ADCK1: variants seen among roughly 807,000 people sequenced by gnomAD.
ADCK1 encodes aarF domain containing kinase 1.
In ADCK1, 41 loss-of-function variants were observed where a neutral mutation model predicts 52.3. The observed-to-expected ratio is 0.78, with a 90% CI of 0.61 to 1.02. ADCK1 has a LOEUF of 1.02. ADCK1 is among the 50% of genes least tolerant of loss of function. The probability of loss-of-function intolerance (pLI) is 0.00; values close to 1 mark genes in which losing one functional copy is unlikely to be tolerated. For synonymous variants in ADCK1, 250 were observed against 274.6 expected, an observed-to-expected ratio of 0.91 and a Z score of 0.89; for missense variants, 658 against 679.5, an observed-to-expected ratio of 0.97 and a Z score of 0.35.
chr14:77,815,729 G>A (rs906429027), intron 1 of ADCK1, among the ~76,000 whole-genome samples: 3 of 151,730 alleles, frequency 2.0e-5, no homozygotes, highest in Admixed American at 1.3e-4. Context: ...ATATTGGCCA[G>A]GCTGGTCTTG....
intron 4 of ADCK1, among the ~76,000 whole-genome samples, chr14:77,873,489 G>A (rs11159305): frequency 0.38 from 57,733 of 152,040 alleles, 11,755 homozygotes; most frequent in Admixed American, 0.51. Flanking sequence ...GCATGTAACC[G>A]GGCAGTGTAG....
intron 5 of ADCK1, among the ~76,000 whole-genome samples, chr14:77,887,626 G>C (rs1283823960): frequency 6.6e-6 from 1 of 152,168 alleles, no homozygotes; most frequent in Non-Finnish European, 1.5e-5. Context: ...TTGTTAAATT[G>C]TAACAAAAGG....
chr14:77,887,065 T>C, intron 4 of ADCK1, 26 bp from the exon 5 acceptor site: 2 of 1,515,260 alleles, frequency 1.3e-6, no homozygotes, highest in Non-Finnish European at 8.9e-7. Context: ...TCTTTTTCAT[T>C]GCTCTGTTCT....
At chr14:77,891,842 A>G (rs1419585236) in intron 5 of ADCK1, among the ~76,000 whole-genome samples, 1 of 152,214 alleles carries the variant, frequency 6.6e-6, no homozygotes, top group Non-Finnish European at 1.5e-5. Flanking sequence ...TCTCTGGTAC[A>G]AAACCAAGAA....
chr14:77,879,582 A>AC (rs899962224), intron 4 of ADCK1, among the ~76,000 whole-genome samples: 1 of 152,042 alleles, frequency 6.6e-6, no homozygotes, highest in African/African-American at 2.4e-5. Context: ...GCCGGGTCAG[A>AC]CCCCATGGGT....
At chr14:77,841,874 G>A (rs1285377050) in intron 3 of ADCK1, among the ~76,000 whole-genome samples, 1 of 139,004 alleles carries the variant, frequency 7.2e-6, no homozygotes, top group Admixed American at 7.3e-5. Flanking sequence ...AAAAAAATTT[G>A]CCAGGCCAGG....
chr14:77,801,690 A>G (rs1285033207), intron 1 of ADCK1, among the ~76,000 whole-genome samples: 2 of 152,200 alleles, frequency 1.3e-5, no homozygotes, highest in Non-Finnish European at 2.9e-5. Context: ...CTGTAATCCC[A>G]GCACTTTGGG....
intron 1 of ADCK1, among the ~76,000 whole-genome samples, chr14:77,804,004 G>A (rs1403453127): frequency 6.6e-6 from 1 of 152,114 alleles, no homozygotes; most frequent in Non-Finnish European, 1.5e-5. Flanking sequence ...ACCTGGGGAT[G>A]GTAATAATAT....
chr14:77,841,792 C>T (rs1178243343), intron 3 of ADCK1, among the ~76,000 whole-genome samples: 2 of 143,684 alleles, frequency 1.4e-5, no homozygotes, highest in African/African-American at 5.2e-5. Context: ...TGCACTGAGC[C>T]GAGATCACAC....
intron 4 of ADCK1, among the ~76,000 whole-genome samples, chr14:77,876,509 G>A (rs1370414212): frequency 6.6e-6 from 1 of 152,150 alleles, no homozygotes; most frequent in Admixed American, 6.6e-5. Context: ...AACATCTTTG[G>A]GGGGCTCATT....
chr14:77,805,137 C>T (rs1232844966), intron 1 of ADCK1, among the ~76,000 whole-genome samples: 4 of 130,234 alleles, frequency 3.1e-5, no homozygotes, highest in East Asian at 2.7e-4. Context: ...ACCCTGGAGG[C>T]GGAGGTTGTG....
At chr14:77,823,539 C>G (rs2081625481) in intron 3 of ADCK1, among the ~76,000 whole-genome samples, 1 of 151,930 alleles carries the variant, frequency 6.6e-6, no homozygotes, top group African/African-American at 2.4e-5. Context: ...TTTTGCCCAT[C>G]TTGTTAGTCA....
intron 3 of ADCK1, among the ~76,000 whole-genome samples, chr14:77,844,469 G>A (rs941470461): frequency 3.3e-5 from 5 of 152,132 alleles, no homozygotes; most frequent in East Asian, 1.9e-4. Context: ...CAAAGGAACC[G>A]GTGTCCCTTC....
chr14:77,862,786 C>T (rs550772832), intron 4 of ADCK1, among the ~76,000 whole-genome samples: 25 of 152,278 alleles, frequency 1.6e-4, no homozygotes, highest in African/African-American at 5.5e-4. Context: ...GGGATGGGTA[C>T]GACCTCATTC....
At chr14:77,886,227 G>T (rs1480053302) in intron 4 of ADCK1, among the ~76,000 whole-genome samples, 2 of 152,226 alleles carry the variant, frequency 1.3e-5, no homozygotes, top group African/African-American at 4.8e-5. Context: ...AAAGGCAGTT[G>T]TTGGTCTGGA....
At chr14:77,810,531 C>CTT (rs1185694274) in intron 1 of ADCK1, among the ~76,000 whole-genome samples, 3,094 of 135,734 alleles carry the variant, frequency 0.023, 121 homozygotes, top group African/African-American at 0.078. Flanking sequence ...AGGCTGGGTT[C>CTT]TTTTTTTTTT....
chr14:77,853,061 T>G (rs889528021), intron 3 of ADCK1, among the ~76,000 whole-genome samples: 5 of 149,530 alleles, frequency 3.3e-5, no homozygotes, highest in African/African-American at 1.2e-4. Flanking sequence ...CTGATATTTT[T>G]TTCCCCCTGC....
intron 2 of ADCK1, among the ~76,000 whole-genome samples, chr14:77,819,865 T>G (rs2081543502): frequency 6.6e-6 from 1 of 152,192 alleles, no homozygotes; most frequent in Non-Finnish European, 1.5e-5. Context: ...ATGCACAGTC[T>G]ATTGTGGTTG....
intron 4 of ADCK1, among the ~76,000 whole-genome samples, chr14:77,863,867 T>C (rs1399821505): frequency 1.3e-5 from 2 of 151,638 alleles, no homozygotes; most frequent in African/African-American, 4.8e-5. Context: ...ATGGTCCAGT[T>C]CTGTCCTAGA....
Sources: gnomAD v4.1 joint callset for allele counts (sites outside exome capture counted in the v4.1 genomes callset) on GRCh38, gnomAD v4.1.1 for gene constraint, MANE v1.5 for transcripts, NCBI Gene and HGNC (gene_info 2026-07-23, HGNC 2026-07-21) for gene names.